Variants in ITIH5 observed in about 807,000 individuals in gnomAD.
ITIH5 encodes inter-alpha-trypsin inhibitor heavy chain 5, also known as inter-alpha-trypsin inhibitor heavy chain H5.
A neutral mutation model predicts 77.5 loss-of-function variants in ITIH5; 65 were observed. That is an observed-to-expected ratio of 0.84 (90% confidence interval 0.69 to 1.03). ITIH5 has a LOEUF of 1.03. Ranked by LOEUF, ITIH5 falls within the 50% of genes least tolerant of loss-of-function variation. The pLI, the probability that ITIH5 is intolerant of heterozygous loss-of-function variation, is 0.00. For missense variants in ITIH5, 1,208 were observed against 1,213.1 expected, an observed-to-expected ratio of 1.00 and a Z score of 0.06; for synonymous variants, 525 against 494.3, an observed-to-expected ratio of 1.06 and a Z score of -0.82.
intron 13 of ITIH5, among the ~76,000 whole-genome samples, chr10:7,565,205 TAC>T (rs1241180450): frequency 4.5e-5 from 6 of 132,808 alleles, no homozygotes; most frequent in Non-Finnish European, 8.2e-5. Context: ...TACACACACA[TAC>T]ACACACATCA....
At chr10:7,655,388 C>A (rs891492628) in intron 2 of ITIH5, among the ~76,000 whole-genome samples, 4 of 151,812 alleles carry the variant, frequency 2.6e-5, no homozygotes, top group Non-Finnish European at 5.9e-5. Flanking sequence ...AAAAAATAAA[C>A]CTGCAAAGAC....
intron 7 of ITIH5, among the ~76,000 whole-genome samples, chr10:7,614,485 T>C (rs1833324930): frequency 6.6e-6 from 1 of 152,224 alleles, no homozygotes; most frequent in Admixed American, 6.5e-5. Context: ...TTGCGTGATT[T>C]TTTTTTTAGC....
intron 5 of ITIH5, among the ~76,000 whole-genome samples, chr10:7,633,997 G>A (rs1387942231): frequency 4.1e-5 from 6 of 146,918 alleles, no homozygotes. Flanking sequence ...GCTGAGGCAG[G>A]AGAATGGCTT....
intron 10 of ITIH5, among the ~76,000 whole-genome samples, chr10:7,576,073 G>A (rs184734703): frequency 4.1e-4 from 62 of 152,292 alleles, no homozygotes; most frequent in African/African-American, 1.3e-3. Flanking sequence ...CACCCAGGTT[G>A]GAGAGCAATG....
chr10:7,572,233 A>G, intron 11 of ITIH5: 1 of 1,294,994 alleles, frequency 7.7e-7, no homozygotes, highest in South Asian at 1.3e-5. Flanking sequence ...GCACAGCAGC[A>G]GAAAGGCAAC....
chr10:7,635,428 C>T (rs1282722359), intron 5 of ITIH5, among the ~76,000 whole-genome samples: 2 of 152,166 alleles, frequency 1.3e-5, no homozygotes, highest in African/African-American at 2.4e-5. Context: ...AACTAAAATC[C>T]ATTAACCATA....
At position 7,584,933 on chromosome 10, in the gene ITIH5, T is replaced by C. The variant is rs149809067; in HGVS notation, c.1108+968A>G. ...GGCTAGTAGGAAATCCCAGTGTAAA[T>C]GGAAAGTACCAGCCCAGCAAGATCA... On this transcript the variant is annotated intron_variant, in intron 8 of 13. Coordinates refer to ENST00000397146, the MANE Select transcript of ITIH5 (RefSeq NM_030569.7). 6.6e-5 allele frequency among the ~76,000 whole-genome samples: 10 copies of C among 152,276 alleles called. No homozygotes were observed. In the East Asian group the frequency reaches 1.7e-3, roughly 26 times the overall value.
chr10:7,563,084 C>T lies in ITIH5; in HGVS notation c.2828G>A (p.Ter943=), dbSNP rs2130932400. The change falls in exon 14 of 14, where the codon TGA becomes TAA. Residue 943 remains the stop codon, a stop_retained_variant. Transcript: ENST00000397146. The part of the protein sequence containing the change: ...TLGRGMSREL[*] ...CTTGCATCTTTAAGGCTGCCAGCTT[C>T]AGAGCTCCCTGGACATTCCCCGGCC... 1 of 1,613,286 alleles carries T rather than the reference C, an allele frequency of 6.2e-7. No homozygotes were observed. The highest frequency in any genetic ancestry group is 8.5e-7 in the Non-Finnish European group (1 of 1,179,562).
intron 7 of ITIH5, among the ~76,000 whole-genome samples, chr10:7,600,131 C>G (rs1187955529): frequency 6.6e-6 from 1 of 152,150 alleles, no homozygotes; most frequent in Non-Finnish European, 1.5e-5. Context: ...ACATCTCTTC[C>G]TACTCTGTCT....
rs746462825 is a variant in ITIH5 at position 7,640,864 on chromosome 10, C to G, written c.300-9G>C. The G allele has an allele frequency of 6.3e-7, 1 of 1,582,954 alleles. No individual in the cohort carries two copies. The highest frequency in any genetic ancestry group is 1.1e-5 in the South Asian group (1 of 90,244). ...CCTTGTCTCCAATAAGCCTGAAATA[C>G]AAGAGACAGTTGTGCTACCAGCTTG... On this transcript the variant is annotated splice_polypyrimidine_tract_variant and intron_variant, in intron 3 of 13. Coordinates refer to ENST00000397146, the MANE Select transcript of ITIH5 (RefSeq NM_030569.7).
intron 7 of ITIH5, among the ~76,000 whole-genome samples, chr10:7,602,686 A>G (rs1171886805): frequency 1.3e-5 from 2 of 152,122 alleles, no homozygotes; most frequent in Admixed American, 1.3e-4. Context: ...AGTCTCGGGT[A>G]TTTCTTCATA....
At chr10:7,612,221 T>C (rs984511422) in intron 7 of ITIH5, among the ~76,000 whole-genome samples, 2 of 152,188 alleles carry the variant, frequency 1.3e-5, no homozygotes, top group Non-Finnish European at 2.9e-5. Flanking sequence ...AAGTCTCTAA[T>C]GGGTGGTAGG....
intron 2 of ITIH5, 138 bp from the exon 3 acceptor site, chr10:7,642,228 T>G (rs1181797327): frequency 6.1e-6 from 4 of 651,140 alleles, no homozygotes; most frequent in Non-Finnish European, 1.0e-5. Flanking sequence ...ATTTCCTTTC[T>G]TCTTCTTTTC....
chr10:7,585,959 G>A lies in ITIH5; in HGVS notation c.1050C>T (p.Val350=). The stretch of plus-strand genomic sequence containing the variant: ...TCCCATCCCTGATGCTGTCTGGAGT[G>A]ACTGATATCAAGTGGTCCTTCCATA... The part of the protein sequence containing the change: ...IKVWKDHLIS[V]TPDSIRDGKV... The change falls in exon 8 of 14, where the codon GTC becomes GTT. Residue 350 remains valine (V), a synonymous_variant. Transcript: ENST00000397146. 1 of 1,614,056 alleles carries A rather than the reference G, an allele frequency of 6.2e-7. No homozygotes were observed. Among genetic ancestry groups the A allele is most frequent in the Non-Finnish European group, 8.5e-7 (1 of 1,179,996 alleles).
chr10:7,571,778 T>C (rs746396749), intron 11 of ITIH5: 5 of 159,772 alleles, frequency 3.1e-5, no homozygotes, highest in Non-Finnish European at 6.7e-5. Context: ...GGAGATGCGA[T>C]GTAAATAGTT....
At chr10:7,630,114 G>A (rs1833689227) in intron 5 of ITIH5, among the ~76,000 whole-genome samples, 1 of 152,190 alleles carries the variant, frequency 6.6e-6, no homozygotes, top group African/African-American at 2.4e-5. Context: ...CTCAACAGGT[G>A]TAGTCGTATG....
intron 2 of ITIH5, among the ~76,000 whole-genome samples, chr10:7,651,569 C>G (rs1441588898): frequency 6.6e-6 from 1 of 152,038 alleles, no homozygotes; most frequent in East Asian, 1.9e-4. Flanking sequence ...GATCGCACCA[C>G]TGGGCTCCAG....
At position 7,646,202 on chromosome 10, in the gene ITIH5, C is replaced by T. The variant is rs555285341; in HGVS notation, c.136-4112G>A. On this transcript the variant is annotated intron_variant, in intron 2 of 13. Coordinates refer to ENST00000397146, the MANE Select transcript of ITIH5 (RefSeq NM_030569.7). ...ATGGGAAAGTAAATAGGAATCAATG[C>T]TTTAAAAAAAATCCCACAAACTCAG... 1.8e-3 allele frequency among the ~76,000 whole-genome samples: 281 copies of T among 152,270 alleles called. 1 individual carries two copies. Among genetic ancestry groups the T allele is most frequent in the African/African-American group, 6.4e-3 (264 of 41,554 alleles).
intron 7 of ITIH5, among the ~76,000 whole-genome samples, chr10:7,591,858 ATTTATTTATGTAT>A (rs1050852649): frequency 6.6e-6 from 1 of 151,962 alleles, no homozygotes; most frequent in African/African-American, 2.4e-5. Context: ...TTTCTGTTTT[ATTTATTTATGTAT>A]TTTATTTATT....
Sources: gnomAD v4.1 joint callset for allele counts (sites outside exome capture counted in the v4.1 genomes callset) on GRCh38, gnomAD v4.1.1 for gene constraint, MANE v1.5 for transcripts, NCBI Gene and HGNC (gene_info 2026-07-23, HGNC 2026-07-21) for gene names.